WWOX: variants seen among roughly 807,000 people sequenced by gnomAD.
WWOX encodes the protein WW domain containing oxidoreductase, also known as WW domain-containing oxidoreductase.
A neutral mutation model predicts 46.2 loss-of-function variants in WWOX; 69 were observed. The ratio of observed to expected loss-of-function variants is 1.49; its 90% CI spans 1.23 to 1.82. The LOEUF is 1.82. WWOX is among the 40% of genes most tolerant of loss of function. The pLI is 0.00. For synonymous variants in WWOX, 359 were observed against 202.6 expected (o/e 1.77, Z -6.56); for missense variants, 919 against 542.6 (o/e 1.69, Z -6.89).
chr16:78,816,772 G>T (rs967121329), intron 8 of WWOX, among the ~76,000 whole-genome samples: 2 of 151,592 alleles, frequency 1.3e-5, no homozygotes, highest in African/African-American at 4.8e-5. Context: ...TTGTGGCTCA[G>T]TTTTTTTTGG....
chr16:78,474,556 T>G (rs2084311065), intron 8 of WWOX, among the ~76,000 whole-genome samples: 1 of 152,262 alleles, frequency 6.6e-6, no homozygotes, highest in Admixed American at 6.5e-5. Context: ...GTCCGTAAAC[T>G]GCACTTTATT....
intron 8 of WWOX, chr16:78,691,394 A>C (rs2047984799): frequency 3.0e-6 from 2 of 657,326 alleles, no homozygotes; most frequent in East Asian, 5.5e-5. Flanking sequence ...GTTGGCCTAC[A>C]GGGTGCTTTA....
At chr16:79,129,259 A>G (rs1047620638) in intron 8 of WWOX, among the ~76,000 whole-genome samples, 4 of 151,420 alleles carry the variant, frequency 2.6e-5, no homozygotes, top group Admixed American at 2.0e-4. Flanking sequence ...CAAAATAGAG[A>G]TGTAGTTTTA....
intron 8 of WWOX, among the ~76,000 whole-genome samples, chr16:78,569,404 C>T (rs989572209): frequency 6.6e-6 from 1 of 152,152 alleles, no homozygotes; most frequent in African/African-American, 2.4e-5. Context: ...CTGTATTATA[C>T]ATTTCAGTTG....
intron 8 of WWOX, among the ~76,000 whole-genome samples, chr16:78,773,105 G>T (rs73573774): frequency 6.6e-6 from 1 of 152,234 alleles, no homozygotes; most frequent in East Asian, 1.9e-4. Context: ...TCAGTGGCTA[G>T]TGAGTGGCTA....
chr16:78,502,702 A>G (rs1357771078), intron 8 of WWOX, among the ~76,000 whole-genome samples: 2 of 152,178 alleles, frequency 1.3e-5, no homozygotes, highest in African/African-American at 2.4e-5. Flanking sequence ...ATGTCTTGGC[A>G]GTGATGTCTA....
At chr16:78,406,974 T>G (rs2082564596) in intron 6 of WWOX, among the ~76,000 whole-genome samples, 1 of 152,178 alleles carries the variant, frequency 6.6e-6, no homozygotes, top group Non-Finnish European at 1.5e-5. Context: ...TAAAATCATC[T>G]TGTTTTGCTA....
intron 8 of WWOX, among the ~76,000 whole-genome samples, chr16:78,585,994 T>G (rs918868298): frequency 6.6e-6 from 1 of 152,030 alleles, no homozygotes; most frequent in Admixed American, 6.6e-5. Flanking sequence ...CCCAGGAGGT[T>G]AGAGACCAGC....
In WWOX at chr16:78,528,841, T is replaced by C. The variant is rs137886671; in HGVS notation, c.1056+96089T>C. Among the ~76,000 whole-genome samples, 667 of 152,284 alleles carry C rather than the reference T, an allele frequency of 4.4e-3. 6 individuals carry two copies. Among genetic ancestry groups the C allele is most frequent in the African/African-American group, 0.015 (633 of 41,570 alleles). ...ATTGGTAGAAATCAGGCAACCTCTA[T>C]GTAACCTCAGCCATCTTGGATTCCC... On this transcript the variant is annotated intron_variant, in intron 8 of 8. Coordinates refer to ENST00000566780, the MANE Select transcript of WWOX (RefSeq NM_016373.4).
chr16:78,115,070 G>A lies in WWOX; in HGVS notation c.325G>A (p.Gly109Ser), dbSNP rs770001837. ...GCCAACCACCCGGCAAAGATACGACGGCAGCACCACTGCCATGGAAATTCT... is the reference window on the plus strand; with the variant it reads ...GCCAACCACCCGGCAAAGATACGACAGCAGCACCACTGCCATGGAAATTCT... ...TKPTTRQRYD[G>S]STTAMEILQG... Residue 109 changes from glycine to serine, a missense_variant, in exon 4 of 9, where the codon GGC (glycine) becomes AGC (serine). Transcript: ENST00000566780. The A allele has an allele frequency of 5.0e-6, 8 of 1,614,134 alleles. No homozygotes were observed. Among genetic ancestry groups the A allele is most frequent in the Non-Finnish European group, 6.8e-6 (8 of 1,180,014 alleles).
intron 8 of WWOX, among the ~76,000 whole-genome samples, chr16:78,958,529 A>G (rs560343036): frequency 5.9e-5 from 9 of 152,326 alleles, no homozygotes; most frequent in South Asian, 2.1e-4. Flanking sequence ...AGTTTTGCCA[A>G]TTTGGGAAGT....
intron 8 of WWOX, among the ~76,000 whole-genome samples, chr16:78,829,686 C>G (rs1267650823): frequency 6.6e-6 from 1 of 152,164 alleles, no homozygotes; most frequent in Admixed American, 6.6e-5. Flanking sequence ...ATGTCTCATT[C>G]AGTTCCCCTA....
At chr16:78,331,066 C>T (rs1288419235) in intron 5 of WWOX, among the ~76,000 whole-genome samples, 2 of 151,968 alleles carry the variant, frequency 1.3e-5, no homozygotes, top group Non-Finnish European at 2.9e-5. Context: ...TTTGTTTCTG[C>T]CCCCCAAAAG....
At chr16:78,979,384 C>T (rs1002223195) in intron 8 of WWOX, among the ~76,000 whole-genome samples, 3 of 152,112 alleles carry the variant, frequency 2.0e-5, no homozygotes, top group Admixed American at 2.0e-4. Context: ...TTATTAACAT[C>T]AGCAGCAGCA....
At chr16:78,638,069 C>T (rs186498700) in intron 8 of WWOX, among the ~76,000 whole-genome samples, 13 of 152,244 alleles carry the variant, frequency 8.5e-5, no homozygotes, top group East Asian at 1.9e-4. Context: ...TTCTCCGTAC[C>T]GCTTTCCCCA....
chr16:78,225,754 G>C lies in WWOX; in HGVS notation c.516+61465G>C, dbSNP rs576001297. On this transcript the variant is annotated intron_variant, in intron 5 of 8. Coordinates refer to ENST00000566780, the MANE Select transcript of WWOX (RefSeq NM_016373.4). ...CTAATTAAGAAAACTGTGCTTCAAT[G>C]TAATTATTCCACCTTAATGCATGAA... Among the ~76,000 whole-genome samples, 90 of 152,254 alleles carry C rather than the reference G, an allele frequency of 5.9e-4. 1 individual carries two copies. The highest frequency in any genetic ancestry group is 2.1e-3 in the African/African-American group (89 of 41,548).
chr16:78,162,255 T>C (rs1051727133), intron 4 of WWOX, among the ~76,000 whole-genome samples: 1 of 152,232 alleles, frequency 6.6e-6, no homozygotes, highest in Non-Finnish European at 1.5e-5. Flanking sequence ...TTATTTTTTT[T>C]CAGCTGTGGC....
At position 79,003,003 on chromosome 16, in the gene WWOX, T is replaced by C. The variant is rs79892740; in HGVS notation, c.1057-208605T>C. Among the ~76,000 whole-genome samples the C allele has an allele frequency of 4.0e-3, 605 of 152,296 alleles. 8 individuals are homozygous for C. The highest frequency in any genetic ancestry group is 0.014 in the African/African-American group (581 of 41,570). On this transcript the variant is annotated intron_variant, in intron 8 of 8. Coordinates refer to ENST00000566780, the MANE Select transcript of WWOX (RefSeq NM_016373.4). ...AATCATTTAAAAACTTCCTGGTGAA[T>C]GCACCCAGCTCGCCAATGCATGCCA... is the stretch of plus-strand genomic sequence containing the variant.
intron 5 of WWOX, among the ~76,000 whole-genome samples, chr16:78,296,483 T>C (rs2079946058): frequency 6.6e-6 from 1 of 151,188 alleles, no homozygotes; most frequent in Admixed American, 6.6e-5. Flanking sequence ...TTCTAATACA[T>C]GAAACCAGGA....
Sources: gnomAD v4.1 joint callset for allele counts (sites outside exome capture counted in the v4.1 genomes callset) on GRCh38, gnomAD v4.1.1 for gene constraint, MANE v1.5 for transcripts, NCBI Gene and HGNC (gene_info 2026-07-23, HGNC 2026-07-21) for gene names.